Variants in LMTK3 observed in about 807,000 individuals in gnomAD.
The protein encoded by LMTK3 is serine/threonine-protein kinase LMTK3.
LMTK3 carries 27 observed loss-of-function variants against 116.7 expected under a neutral mutation model. The observed-to-expected ratio is 0.23, with a 90% CI of 0.17 to 0.32. The LOEUF is 0.32. LMTK3 is among the 10% of genes least tolerant of loss of function. LMTK3 has a pLI of 1.00. For missense variants in LMTK3, 1,764 were observed against 2,068.5 expected (o/e 0.85, Z 2.86); for synonymous variants, 965 against 971.0 (o/e 0.99, Z 0.11).
At position 48,497,838 on chromosome 19, in the gene LMTK3, T is replaced by G; in HGVS notation, c.3231A>C (p.Pro1077=). The change falls in exon 11 of 15, where the codon CCA becomes CCC. Residue 1077 remains proline, a synonymous_variant. Coordinates refer to ENST00000600059, the MANE Select transcript of LMTK3 (RefSeq NM_001388485.1). The surrounding 1 kb of genome is among the most constrained non-coding windows in gnomAD (Gnocchi z 5.7). ...GTTCCAGCGTCCCGTTCTTGGGGGC[T>G]GGGCCAAGGGGGCCAGGGGCTGTCT... The part of the protein sequence containing the change: ...GGETAPGPLG[P]APKNGTLEPG... 4 of 1,411,870 alleles carry G rather than the reference T, an allele frequency of 2.8e-6. No individual in the cohort carries two copies. The highest frequency in any genetic ancestry group is 2.8e-6 in the Non-Finnish European group (3 of 1,088,714). 87.5% of individuals were successfully genotyped at this position (1,411,870 alleles called of 1,614,324 possible).
chr19:48,488,492 G>A (rs561157680), intron 14 of LMTK3, among the ~76,000 whole-genome samples: 3 of 151,760 alleles, frequency 2.0e-5, no homozygotes, highest in Non-Finnish European at 2.9e-5. Flanking sequence ...ATAGTCGTCC[G>A]TGGCTCCCTG....
chr19:48,507,257 A>T (rs1200652862), intron 5 of LMTK3, among the ~76,000 whole-genome samples: 1 of 152,212 alleles, frequency 6.6e-6, no homozygotes, highest in Non-Finnish European at 1.5e-5. Context: ...GCTAGGCAGG[A>T]TGATGATCCC....
chr19:48,496,941 C>CAGGG (rs1221801778), intron 11 of LMTK3, among the ~76,000 whole-genome samples: 5 of 152,344 alleles, frequency 3.3e-5, no homozygotes, highest in Admixed American at 6.5e-5. Flanking sequence ...CCCTTCTACA[C>CAGGG]AGGGCATTTT....
chr19:48,499,012 C>T lies in LMTK3; in HGVS notation c.2057G>A (p.Gly686Glu), dbSNP rs1279718017. Residue 686 changes from glycine to glutamate, a missense_variant, in exon 11 of 15, where the codon GGG (glycine) becomes GAG (glutamate). This residue lies in a region of LMTK3 where 1,028 missense variants were observed against 1,050.6 expected (regional missense o/e 0.98). Transcript: ENST00000600059. Reference sequence around the variant, plus strand: ...GCCTCCCCAGCCTGCTACGGCGTCCCCCCGCTCCAGTGGCAGGCAGGAGCA... The same window carrying T: ...GCCTCCCCAGCCTGCTACGGCGTCCTCCCGCTCCAGTGGCAGGCAGGAGCA... ...GACSCLPLER[G>E]DAVAGWGGHP... 2.1e-6 allele frequency: 3 copies of T among 1,439,374 alleles called. No individual in the cohort carries two copies. The highest frequency in any genetic ancestry group is 2.7e-6 in the Non-Finnish European group (3 of 1,095,062). The allele number at this position is 1,439,374 out of a possible 1,614,324, so 89.2% of individuals were successfully genotyped here.
intron 12 of LMTK3, among the ~76,000 whole-genome samples, chr19:48,493,091 G>T (rs927158834): frequency 6.7e-6 from 1 of 149,706 alleles, no homozygotes; most frequent in Non-Finnish European, 1.5e-5. Flanking sequence ...TTCCAGCCTT[G>T]GATTTTCTCC....
intron 14 of LMTK3, among the ~76,000 whole-genome samples, chr19:48,486,184 C>T (rs924655167): frequency 4.1e-5 from 6 of 146,722 alleles, no homozygotes; most frequent in Admixed American, 6.8e-5. Context: ...CTCAGCCTCC[C>T]AAGTAGCTGG....
chr19:48,493,620 A>T (rs1339942167), intron 12 of LMTK3, 74 bp downstream of exon 12: 48 of 1,247,946 alleles, frequency 3.8e-5, no homozygotes, highest in Admixed American at 5.8e-5. Context: ...GCCTCCCGCC[A>T]GGCCCTTCCC....
rs1972445439 is a variant in LMTK3 at position 48,500,547 on chromosome 19, G to C, written c.1151+449C>G. Among the ~76,000 whole-genome samples, 1 of 152,164 alleles carries C rather than the reference G, an allele frequency of 6.6e-6. No homozygotes were observed. Among genetic ancestry groups the C allele is most frequent in the African/African-American group, 2.4e-5 (1 of 41,440 alleles). ...CCCAAAAAGTGGGGCAGAGATCCAG[G>C]GAGAAGAGGGGACAGCAGACGGTAG... On this transcript the variant is annotated intron_variant, in intron 10 of 14. Transcript: ENST00000600059. The surrounding 1 kb of genome is among the most constrained non-coding windows in gnomAD (Gnocchi z 4.0).
At position 48,500,700 on chromosome 19, in the gene LMTK3, G is replaced by C. The variant is rs147753292; in HGVS notation, c.1151+296C>G. Among the ~76,000 whole-genome samples, 1,821 of 152,314 alleles carry C rather than the reference G, an allele frequency of 0.012. 15 individuals are homozygous for C. Among genetic ancestry groups the C allele is most frequent in the South Asian group, 0.023 (113 of 4,832 alleles). ...GCAGAGGGGACACAGCAGCAGATGGGAACGGCTGGTGAGGGTAGTGGTGTC... is the reference window on the plus strand; with the variant it reads ...GCAGAGGGGACACAGCAGCAGATGGCAACGGCTGGTGAGGGTAGTGGTGTC... On this transcript the variant is annotated intron_variant, in intron 10 of 14. Transcript: ENST00000600059. This position sits in a 1 kb window ranked among gnomAD's most constrained non-coding sequence, Gnocchi z 4.0.
Position 48,500,633 on chromosome 19 carries a change from G to C in LMTK3, c.1151+363C>G, listed in dbSNP as rs147110976. Among the ~76,000 whole-genome samples, 12 of 152,228 alleles carry C rather than the reference G, an allele frequency of 7.9e-5. No homozygotes were observed. Among genetic ancestry groups the C allele is most frequent in the African/African-American group, 2.6e-4 (11 of 41,548 alleles). ...TATTGAGACCCAAAGAAGCAGGGGT[G>C]GGGGGAAGATGCCCATAGAGAGAGG... On this transcript the variant is annotated intron_variant, in intron 10 of 14. Transcript: ENST00000600059. The surrounding 1 kb of genome is among the most constrained non-coding windows in gnomAD (Gnocchi z 4.0).
At chr19:48,489,153 G>A (rs55780038) in intron 14 of LMTK3, among the ~76,000 whole-genome samples, 5,228 of 152,310 alleles carry the variant, frequency 0.034, 102 homozygotes, top group South Asian at 0.082. Flanking sequence ...CAGTGTCTGC[G>A]GGGAGGGCCA....
At chr19:48,508,309 G>T (rs1972602743) in intron 5 of LMTK3, among the ~76,000 whole-genome samples, 1 of 152,010 alleles carries the variant, frequency 6.6e-6, no homozygotes, top group African/African-American at 2.4e-5. Context: ...GGGTCTCTGC[G>T]AACACACCCT....
intron 11 of LMTK3, among the ~76,000 whole-genome samples, chr19:48,496,109 G>A (rs532928027): frequency 9.2e-4 from 139 of 151,186 alleles, no homozygotes; most frequent in African/African-American, 3.2e-3. Flanking sequence ...TGTTTGTTTT[G>A]TTTTGTTTTG....
intron 2 of LMTK3, 47 bp downstream of exon 2, chr19:48,510,412 C>G (rs772960036): frequency 6.4e-7 from 1 of 1,567,286 alleles, no homozygotes. Flanking sequence ...GGGTAAAGGC[C>G]TTGCTGGAGT....
rs1359636280 is a variant in LMTK3 at position 48,498,785 on chromosome 19, C to T, written c.2284G>A (p.Ala762Thr). Residue 762 changes from alanine (A) to threonine (T), a missense_variant, in exon 11 of 15, where the codon GCC (alanine) becomes ACC (threonine). Around this residue, in one of 7 missense-constraint regions of LMTK3, gnomAD observed 1,028 missense variants for 1,050.6 expected, o/e 0.98. Coordinates refer to ENST00000600059, the MANE Select transcript of LMTK3 (RefSeq NM_001388485.1). ...APPPPPPPPR[A>T]PADPAASPDP... is the part of the protein sequence containing the mutation. ...GGGGACGCGGCCGGGTCCGCGGGGGCCCGAGGAGGTGGCGGCGGGGGGGGG... is the reference window on the plus strand; with the variant it reads ...GGGGACGCGGCCGGGTCCGCGGGGGTCCGAGGAGGTGGCGGCGGGGGGGGG... 7 of 1,246,796 alleles carry T rather than the reference C, an allele frequency of 5.6e-6. No homozygotes were observed. Among genetic ancestry groups the T allele is most frequent in the African/African-American group, 3.2e-5 (2 of 61,802 alleles). 77.2% of individuals were successfully genotyped at this position (1,246,796 alleles called of 1,614,324 possible). A position where few individuals can be genotyped will look rare whatever the true frequency, so the allele number is the denominator to read the frequency against.
intron 1 of LMTK3, among the ~76,000 whole-genome samples, 161 bp from the exon 2 acceptor site, chr19:48,510,753 TGTA>T (rs1254217508): frequency 6.6e-6 from 1 of 152,152 alleles, no homozygotes; most frequent in African/African-American, 2.4e-5. Flanking sequence ...TTGTGGGAGT[TGTA>T]GTTTGGGGCC....
In LMTK3 at chr19:48,498,756, G is replaced by A; in HGVS notation, c.2313C>T (p.Asp771=). 6.7e-7 allele frequency: 1 copy of A among 1,501,288 alleles called. No individual in the cohort carries two copies. Among genetic ancestry groups the A allele is most frequent in the Non-Finnish European group, 8.8e-7 (1 of 1,130,888 alleles). 93.0% of individuals were successfully genotyped at this position (1,501,288 alleles called of 1,614,324 possible). The part of the protein sequence containing the change: ...RAPADPAASP[D]PPSAVASPGS... ...CGGGACTGGCCACGGCCGAAGGGGG[G>A]TCGGGGGACGCGGCCGGGTCCGCGG... Residue 771 remains aspartate, a synonymous_variant, in exon 11 of 15, where the codon GAC becomes GAT. Transcript: ENST00000600059.
intron 5 of LMTK3, among the ~76,000 whole-genome samples, chr19:48,503,944 T>G (rs1031916959): frequency 1.4e-5 from 2 of 144,522 alleles, no homozygotes; most frequent in Non-Finnish European, 3.0e-5. Context: ...CTCAGCTCAC[T>G]GCAACCTCCA....
chr19:48,500,870 C>A lies in LMTK3; in HGVS notation c.1151+126G>T. On this transcript the variant is annotated intron_variant, in intron 10 of 14. Transcript: ENST00000600059. The surrounding 1 kb of genome is among the most constrained non-coding windows in gnomAD (Gnocchi z 4.0). The stretch of plus-strand genomic sequence containing the variant: ...GCTGGCAGAAAGGGTGGGGACAGCC[C>A]CTCTTCACTCTTGAGGGGTATGGAG... The A allele has an allele frequency of 1.1e-6, 1 of 928,184 alleles. No individual in the cohort carries two copies. Among genetic ancestry groups the A allele is most frequent in the Non-Finnish European group, 1.5e-6 (1 of 645,368 alleles). 57.5% of individuals were successfully genotyped at this position (928,184 alleles called of 1,614,324 possible).
Sources: gnomAD v4.1 joint callset for allele counts (sites outside exome capture counted in the v4.1 genomes callset) on GRCh38, gnomAD v4.1.1 for gene constraint, gnomAD v4.1.1 regional missense constraint, Gnocchi (gnomAD v3.1) non-coding constraint, MANE v1.5 for transcripts, NCBI Gene and HGNC (gene_info 2026-07-23, HGNC 2026-07-21) for gene names.